DCC: variants seen among roughly 807,000 people sequenced by gnomAD.
The protein encoded by DCC is netrin receptor DCC.
Under a neutral mutation model 172.5 loss-of-function variants are expected in DCC, and 58 were observed. That is an observed-to-expected ratio of 0.34 (90% CI 0.27 to 0.42). The LOEUF is 0.42. DCC is among the 10% of genes least tolerant of loss of function. The pLI, the probability that DCC is intolerant of heterozygous loss-of-function variation, is 1.00. For synonymous variants in DCC, 709 were observed against 644.5 expected (o/e 1.10, Z -1.52); for missense variants, 1,740 against 1,791.0 (o/e 0.97, Z 0.51).
At chr18:53,062,062 A>G (rs1400719487) in intron 5 of DCC, among the ~76,000 whole-genome samples, 1 of 152,112 alleles carries the variant, frequency 6.6e-6, no homozygotes, top group East Asian at 1.9e-4. Flanking sequence ...AAAAAGCCTT[A>G]TACTAATATC....
chr18:52,710,702 T>C (rs2036279086), intron 1 of DCC, among the ~76,000 whole-genome samples: 1 of 152,222 alleles, frequency 6.6e-6, no homozygotes, highest in Non-Finnish European at 1.5e-5. Context: ...AAAAAAGTGG[T>C]TAAAAGGTAT....
At chr18:52,580,346 C>T (rs1248889079) in intron 1 of DCC, among the ~76,000 whole-genome samples, 1 of 152,188 alleles carries the variant, frequency 6.6e-6, no homozygotes, top group African/African-American at 2.4e-5. Context: ...CAGCCTCGAA[C>T]TCACAATGAG....
chr18:52,387,344 A>T (rs898462250), intron 1 of DCC, among the ~76,000 whole-genome samples: 1 of 152,130 alleles, frequency 6.6e-6, no homozygotes, highest in Non-Finnish European at 1.5e-5. Flanking sequence ...AGAAGAAAAA[A>T]ATTGGTAAAT....
chr18:53,389,734 G>A (rs1381722345), intron 16 of DCC, among the ~76,000 whole-genome samples: 1 of 152,134 alleles, frequency 6.6e-6, no homozygotes, highest in Non-Finnish European at 1.5e-5. Flanking sequence ...AAATTTCAGA[G>A]AAGCATTCTG....
chr18:52,409,654 TGA>T (rs1986777045), intron 1 of DCC, among the ~76,000 whole-genome samples: 2 of 152,244 alleles, frequency 1.3e-5, no homozygotes, highest in East Asian at 3.9e-4. Flanking sequence ...ATCTAATTCA[TGA>T]GCTATTTATC....
chr18:52,592,792 C>T (rs2033827169), intron 1 of DCC, among the ~76,000 whole-genome samples: 1 of 152,156 alleles, frequency 6.6e-6, no homozygotes, highest in Non-Finnish European at 1.5e-5. Flanking sequence ...TGCTTCCACG[C>T]CCATCTAATT....
chr18:52,690,284 A>G (rs1466396352), intron 1 of DCC, among the ~76,000 whole-genome samples: 3 of 152,082 alleles, frequency 2.0e-5, no homozygotes, highest in Admixed American at 2.0e-4. Context: ...CCCTTAAGGA[A>G]CTCAGCTGGG....
chr18:52,450,963 T>G (rs1988285624), intron 1 of DCC, among the ~76,000 whole-genome samples: 1 of 152,204 alleles, frequency 6.6e-6, no homozygotes, highest in African/African-American at 2.4e-5. Flanking sequence ...AATGTGTTTA[T>G]TTTGGTTTTG....
chr18:53,095,215 A>T (rs2043068920), intron 7 of DCC, among the ~76,000 whole-genome samples: 1 of 152,144 alleles, frequency 6.6e-6, no homozygotes, highest in South Asian at 2.1e-4. Flanking sequence ...GCCAGTGCTC[A>T]TTTCAGGAAA....
intron 26 of DCC, among the ~76,000 whole-genome samples, chr18:53,495,862 G>A (rs752218721): frequency 1.1e-4 from 16 of 152,174 alleles, no homozygotes; most frequent in Non-Finnish European, 5.9e-5. Flanking sequence ...TCATTAAGTT[G>A]ATTTCAATCT....
At chr18:53,451,838 CAG>C (rs984197024) in intron 23 of DCC, among the ~76,000 whole-genome samples, 4 of 152,052 alleles carry the variant, frequency 2.6e-5, no homozygotes, top group Non-Finnish European at 5.9e-5. Context: ...AGAAAGAGAA[CAG>C]GGGAAGATAT....
At chr18:53,071,428 G>A (rs139708626) in intron 7 of DCC, among the ~76,000 whole-genome samples, 87 of 152,188 alleles carry the variant, frequency 5.7e-4, no homozygotes, top group African/African-American at 1.8e-3. Context: ...TTTAAAAATC[G>A]TTACACTACA....
chr18:52,675,956 T>G (rs1326264786), intron 1 of DCC, among the ~76,000 whole-genome samples: 2 of 152,256 alleles, frequency 1.3e-5, no homozygotes, highest in Non-Finnish European at 2.9e-5. Context: ...CAGCAAATGA[T>G]TGATCTTTTC....
intron 20 of DCC, among the ~76,000 whole-genome samples, chr18:53,413,979 T>C (rs1391649709): frequency 6.6e-6 from 1 of 152,196 alleles, no homozygotes; most frequent in Non-Finnish European, 1.5e-5. Flanking sequence ...ATAAGCTACA[T>C]ATAATGCAAC....
intron 12 of DCC, among the ~76,000 whole-genome samples, chr18:53,281,227 A>G (rs1471882447): frequency 1.3e-5 from 2 of 152,184 alleles, no homozygotes; most frequent in South Asian, 2.1e-4. Flanking sequence ...TCAACTTTCC[A>G]TTTTTTAAAT....
chr18:53,426,133 T>G (rs1319114252), intron 21 of DCC, among the ~76,000 whole-genome samples: 1 of 151,312 alleles, frequency 6.6e-6, no homozygotes, highest in African/African-American at 2.4e-5. Context: ...CCTTTTCAGT[T>G]TTTGTCCACT....
chr18:53,414,226 C>T (rs1910162456), intron 20 of DCC, among the ~76,000 whole-genome samples: 1 of 152,090 alleles, frequency 6.6e-6, no homozygotes, highest in South Asian at 2.1e-4. Flanking sequence ...ACCACTAGCC[C>T]ATCAGAGAGT....
At chr18:52,870,742 T>C (rs2039306373) in intron 2 of DCC, among the ~76,000 whole-genome samples, 1 of 128,020 alleles carries the variant, frequency 7.8e-6, no homozygotes, top group Admixed American at 9.6e-5. Context: ...AGGTTCACTA[T>C]GATTTCATCT....
chr18:52,763,598 G>T (rs2037196817), intron 2 of DCC, among the ~76,000 whole-genome samples: 1 of 152,110 alleles, frequency 6.6e-6, no homozygotes, highest in Non-Finnish European at 1.5e-5. Context: ...GAATATCTGG[G>T]ATTTGTTTAT....
Sources: allele counts gnomAD v4.1 joint callset (sites outside exome capture counted in the v4.1 genomes callset), GRCh38; gene constraint gnomAD v4.1.1; transcripts MANE v1.5; gene names NCBI Gene and HGNC (gene_info 2026-07-23, HGNC 2026-07-21).